WWOX: variants seen among roughly 807,000 people sequenced by gnomAD.
The protein encoded by WWOX is WW domain-containing oxidoreductase.
In WWOX, 69 loss-of-function variants were observed where a neutral mutation model predicts 46.2. That is an observed-to-expected ratio of 1.49 (90% CI 1.23 to 1.82). The LOEUF (loss-of-function observed/expected upper bound fraction) is 1.82. Ranked by LOEUF, WWOX falls within the 40% of genes most tolerant of loss-of-function variation. The probability of loss-of-function intolerance (pLI) is 0.00; values close to 1 mark genes in which losing one functional copy is unlikely to be tolerated. For missense variants in WWOX, 919 were observed against 542.6 expected (o/e 1.69, Z -6.89); for synonymous variants, 359 against 202.6 (o/e 1.77, Z -6.56).
At chr16:78,304,239 C>T (rs1038886265) in intron 5 of WWOX, among the ~76,000 whole-genome samples, 2 of 152,252 alleles carry the variant, frequency 1.3e-5, no homozygotes, top group African/African-American at 4.8e-5. Flanking sequence ...TCTGCTCACT[C>T]TCCTTTCTAA....
chr16:78,914,117 G>T (rs2045183642), intron 8 of WWOX, among the ~76,000 whole-genome samples: 1 of 152,030 alleles, frequency 6.6e-6, no homozygotes, highest in South Asian at 2.1e-4. Flanking sequence ...CACCTCACAG[G>T]AGTCTTTCCT....
chr16:78,621,242 T>A (rs915661334), intron 8 of WWOX, among the ~76,000 whole-genome samples: 14 of 152,150 alleles, frequency 9.2e-5, no homozygotes, highest in African/African-American at 3.4e-4. Flanking sequence ...TCGGTGGAAT[T>A]GTACTTAACT....
chr16:78,399,510 G>A (rs990001868), intron 6 of WWOX, among the ~76,000 whole-genome samples: 2 of 152,186 alleles, frequency 1.3e-5, no homozygotes, highest in African/African-American at 2.4e-5. Context: ...GCTTGGCATT[G>A]TTGGGTTGAA....
intron 8 of WWOX, among the ~76,000 whole-genome samples, chr16:78,459,335 G>C (rs1238161877): frequency 1.3e-5 from 2 of 152,146 alleles, no homozygotes; most frequent in African/African-American, 4.8e-5. Flanking sequence ...GGTATCCCCA[G>C]CATTTTTAAT....
chr16:78,691,429 G>T (rs576003362), intron 8 of WWOX: 2 of 625,208 alleles, frequency 3.2e-6, no homozygotes, highest in Non-Finnish European at 5.7e-6. Context: ...GGGCATGGTG[G>T]TTCACACCTG....
At chr16:78,873,990 G>A (rs1413944105) in intron 8 of WWOX, among the ~76,000 whole-genome samples, 3 of 151,928 alleles carry the variant, frequency 2.0e-5, no homozygotes, top group East Asian at 1.9e-4. Flanking sequence ...GGCTGAGCAC[G>A]GTGGCTCATG....
intron 8 of WWOX, among the ~76,000 whole-genome samples, chr16:78,883,501 A>G (rs1382890498): frequency 1.3e-5 from 2 of 152,128 alleles, no homozygotes; most frequent in Admixed American, 1.3e-4. Context: ...AGGCAAGCTG[A>G]TCACTTGAGG....
At chr16:78,636,205 A>G (rs1335453598) in intron 8 of WWOX, among the ~76,000 whole-genome samples, 3 of 152,188 alleles carry the variant, frequency 2.0e-5, no homozygotes, top group East Asian at 1.9e-4. Context: ...TAGACATATT[A>G]GAGACCAGGT....
chr16:79,002,874 T>G (rs1406739134), intron 8 of WWOX, among the ~76,000 whole-genome samples: 1 of 152,194 alleles, frequency 6.6e-6, no homozygotes, highest in Non-Finnish European at 1.5e-5. Flanking sequence ...AATAACTCCA[T>G]GATGAAACAT....
chr16:78,366,271 T>C (rs1266448969), intron 5 of WWOX, among the ~76,000 whole-genome samples: 1 of 152,226 alleles, frequency 6.6e-6, no homozygotes, highest in African/African-American at 2.4e-5. Flanking sequence ...GTTAAACTTT[T>C]AGATTATTTA....
At chr16:78,315,985 C>G (rs1357781430) in intron 5 of WWOX, among the ~76,000 whole-genome samples, 1 of 151,846 alleles carries the variant, frequency 6.6e-6, no homozygotes, top group African/African-American at 2.4e-5. Context: ...GTCACTCAAA[C>G]CTGTAATCCC....
At chr16:78,809,237 C>T (rs143623714) in intron 8 of WWOX, among the ~76,000 whole-genome samples, 1 of 146,264 alleles carries the variant, frequency 6.8e-6, no homozygotes, top group East Asian at 2.0e-4. Context: ...AAATGGTTGT[C>T]TGAGCAGAAT....
At chr16:78,580,413 A>G (rs2045020784) in intron 8 of WWOX, among the ~76,000 whole-genome samples, 1 of 152,172 alleles carries the variant, frequency 6.6e-6, no homozygotes, top group South Asian at 2.1e-4. Flanking sequence ...CACCAATTAC[A>G]GATTGATTGC....
At chr16:78,237,804 T>TC (rs1317542817) in intron 5 of WWOX, 7 of 152,244 alleles carry the variant, frequency 4.6e-5, no homozygotes, top group African/African-American at 1.7e-4. Flanking sequence ...AATTTGTTTT[T>TC]CTCTCCTGTT....
intron 8 of WWOX, among the ~76,000 whole-genome samples, chr16:78,741,293 G>A (rs2049221068): frequency 6.6e-6 from 1 of 152,190 alleles, no homozygotes; most frequent in Admixed American, 6.5e-5. Flanking sequence ...AGGCGCGGTG[G>A]CTCACGCCTG....
intron 8 of WWOX, among the ~76,000 whole-genome samples, chr16:78,558,527 C>T (rs1296997796): frequency 1.3e-5 from 2 of 152,314 alleles, no homozygotes; most frequent in African/African-American, 4.8e-5. Flanking sequence ...GGCATGTGCC[C>T]TGTGGTTTGC....
At chr16:79,134,877 A>G (rs2049953487) in intron 8 of WWOX, among the ~76,000 whole-genome samples, 1 of 152,218 alleles carries the variant, frequency 6.6e-6, no homozygotes, top group South Asian at 2.1e-4. Context: ...AAGCAACTGC[A>G]TTCCCACTGG....
chr16:78,177,526 A>G (rs189481105), intron 5 of WWOX, among the ~76,000 whole-genome samples: 1 of 152,250 alleles, frequency 6.6e-6, no homozygotes, highest in South Asian at 2.1e-4. Context: ...GCAAGGGTGC[A>G]TCTGGAGCTG....
At chr16:78,749,577 G>A (rs1406436852) in intron 8 of WWOX, among the ~76,000 whole-genome samples, 1 of 152,062 alleles carries the variant, frequency 6.6e-6, no homozygotes, top group Non-Finnish European at 1.5e-5. Context: ...ATTTATTTCA[G>A]TGGGGAAAAA....
Sources: allele counts gnomAD v4.1 joint callset (sites outside exome capture counted in the v4.1 genomes callset), GRCh38; gene constraint gnomAD v4.1.1; transcripts MANE v1.5; gene names NCBI Gene and HGNC (gene_info 2026-07-23, HGNC 2026-07-21).